Variants in NRXN3 observed in about 807,000 individuals in gnomAD.
NRXN3 encodes the protein neurexin 3.
Under a neutral mutation model 137.6 loss-of-function variants are expected in NRXN3, and 32 were observed. The ratio of observed to expected loss-of-function variants is 0.23; its 90% CI spans 0.18 to 0.31. NRXN3 has a LOEUF of 0.31. NRXN3 is among the 10% of genes least tolerant of loss of function. The pLI, the probability that NRXN3 is intolerant of heterozygous loss-of-function variation, is 1.00. For missense variants in NRXN3, 1,574 were observed against 2,062.5 expected, an observed-to-expected ratio of 0.76 and a Z score of 4.59; for synonymous variants, 798 against 784.5, an observed-to-expected ratio of 1.02 and a Z score of -0.29.
At chr14:78,974,242 A>G (rs1252741156) in intron 14 of NRXN3, among the ~76,000 whole-genome samples, 1 of 152,210 alleles carries the variant, frequency 6.6e-6, no homozygotes, top group Non-Finnish European at 1.5e-5. Flanking sequence ...AGAAGGGGGC[A>G]GGACTCAATC....
chr14:78,624,247 C>T (rs1216487682), intron 4 of NRXN3, among the ~76,000 whole-genome samples: 1 of 152,182 alleles, frequency 6.6e-6, no homozygotes, highest in Non-Finnish European at 1.5e-5. Flanking sequence ...ATGGAGCATA[C>T]CCTCCAAAAA....
At chr14:79,560,527 T>TTTTTTTTTC (rs2097484734) in intron 16 of NRXN3, among the ~76,000 whole-genome samples, 1 of 134,134 alleles carries the variant, frequency 7.5e-6, no homozygotes. Flanking sequence ...TTTTTTTTTT[T>TTTTTTTTTC]TGAGATGGAG....
intron 15 of NRXN3, among the ~76,000 whole-genome samples, chr14:79,180,107 C>T (rs1375698525): frequency 1.3e-5 from 2 of 152,170 alleles, no homozygotes; most frequent in East Asian, 1.9e-4. Flanking sequence ...TAAATTACCT[C>T]GCTGTCTCTG....
chr14:79,202,742 C>CAT (rs756204227), intron 15 of NRXN3, among the ~76,000 whole-genome samples: 5 of 151,998 alleles, frequency 3.3e-5, no homozygotes, highest in East Asian at 1.9e-4. Context: ...AGTATTCCAT[C>CAT]ATATATATAT....
chr14:79,620,490 G>A (rs992443167), intron 16 of NRXN3, among the ~76,000 whole-genome samples: 1 of 152,060 alleles, frequency 6.6e-6, no homozygotes, highest in African/African-American at 2.4e-5. Flanking sequence ...GTTCTCTGAG[G>A]TTATAAAGAC....
chr14:79,303,889 A>G (rs12884217), intron 15 of NRXN3, among the ~76,000 whole-genome samples: 49,905 of 151,884 alleles, frequency 0.33, 8,547 homozygotes, highest in Admixed American at 0.45. Context: ...TGAGATTTAT[A>G]CTCCAGTACT....
intron 15 of NRXN3, among the ~76,000 whole-genome samples, chr14:79,106,759 A>G (rs1596018495): frequency 6.6e-6 from 1 of 152,150 alleles, no homozygotes; most frequent in Non-Finnish European, 1.5e-5. Context: ...TTTTAATAAG[A>G]TGACTGAAAG....
chr14:78,522,714 C>T (rs1381147550), intron 4 of NRXN3, among the ~76,000 whole-genome samples: 2 of 152,096 alleles, frequency 1.3e-5, no homozygotes, highest in Non-Finnish European at 2.9e-5. Flanking sequence ...CTGTCCACAG[C>T]TATTTATTTT....
intron 1 of NRXN3, among the ~76,000 whole-genome samples, chr14:78,226,834 T>C (rs1209081210): frequency 1.3e-5 from 2 of 152,240 alleles, no homozygotes; most frequent in African/African-American, 2.4e-5. Flanking sequence ...TTGAGGATCA[T>C]GGAAACTGTA....
chr14:79,676,711 T>C (rs1264139951), intron 17 of NRXN3, among the ~76,000 whole-genome samples: 2 of 152,002 alleles, frequency 1.3e-5, no homozygotes, highest in Non-Finnish European at 2.9e-5. Flanking sequence ...ATACCTTATA[T>C]GTATATATAC....
At chr14:79,502,182 G>T (rs1230323906) in intron 16 of NRXN3, among the ~76,000 whole-genome samples, 1 of 152,194 alleles carries the variant, frequency 6.6e-6, no homozygotes, top group Non-Finnish European at 1.5e-5. Context: ...AGTGGGAAGA[G>T]AAATTCTTAG....
intron 15 of NRXN3, among the ~76,000 whole-genome samples, chr14:79,145,436 T>A (rs1388071462): frequency 6.6e-6 from 1 of 152,128 alleles, no homozygotes; most frequent in Non-Finnish European, 1.5e-5. Flanking sequence ...GAATAGATAG[T>A]AAAGGTGCTA....
chr14:79,425,037 T>C (rs1383340303), intron 15 of NRXN3, among the ~76,000 whole-genome samples: 2 of 152,188 alleles, frequency 1.3e-5, no homozygotes, highest in Non-Finnish European at 2.9e-5. Flanking sequence ...ATCAGAAGTC[T>C]CCCTTGAGAT....
intron 15 of NRXN3, among the ~76,000 whole-genome samples, chr14:79,442,463 G>T (rs936202990): frequency 6.6e-6 from 1 of 152,128 alleles, no homozygotes. Context: ...GTTATTTTGG[G>T]CTTCTCTTGC....
rs1253935252 is a variant in NRXN3, at chr14:78,839,698, C to G, written c.2275+29354C>G. Among the ~76,000 whole-genome samples the G allele has an allele frequency of 2.0e-5, 3 of 152,302 alleles. No individual in the cohort carries two copies. In the East Asian group the frequency reaches 5.8e-4, roughly 29 times the overall value. Reference sequence around the variant, plus strand: ...ACCCTCTCTGCCAACCTTTCTGCCTCCTGCTACACCCTGCCTAAGCCATGC... The same window carrying G: ...ACCCTCTCTGCCAACCTTTCTGCCTGCTGCTACACCCTGCCTAAGCCATGC... On this transcript the variant is annotated intron_variant, in intron 10 of 20. Coordinates refer to ENST00000335750, the MANE Select transcript of NRXN3 (RefSeq NM_001330195.2).
At chr14:79,612,386 A>G (rs1281035376) in intron 16 of NRXN3, among the ~76,000 whole-genome samples, 1 of 152,190 alleles carries the variant, frequency 6.6e-6, no homozygotes, top group Non-Finnish European at 1.5e-5. Flanking sequence ...CTCCAGGGAC[A>G]TCTCCTTCCT....
rs1329481864 is a variant in NRXN3, at chr14:78,330,152, A to G, written c.757+32292A>G. Among the ~76,000 whole-genome samples, 4 of 152,306 alleles carry G rather than the reference A, an allele frequency of 2.6e-5. No homozygotes were observed. In the East Asian group the frequency reaches 5.8e-4, roughly 22 times the overall value. ...GAATATTTTAAAATCTTAGGAATTT[A>G]AAGAAGCTTAGAGATAATTAATCCA... On this transcript the variant is annotated intron_variant, in intron 4 of 20. Transcript: ENST00000335750.
At chr14:78,548,112 A>G (rs1427530018) in intron 4 of NRXN3, among the ~76,000 whole-genome samples, 2 of 152,262 alleles carry the variant, frequency 1.3e-5, no homozygotes, top group Non-Finnish European at 2.9e-5. Flanking sequence ...CTCCAAGGCC[A>G]TAAAACAGAA....
intron 4 of NRXN3, among the ~76,000 whole-genome samples, chr14:78,331,504 G>A (rs559918772): frequency 1.3e-5 from 2 of 152,168 alleles, no homozygotes; most frequent in African/African-American, 2.4e-5. Flanking sequence ...GAACGTGGCC[G>A]CATGAGGTAG....
Sources: allele counts gnomAD v4.1 joint callset (sites outside exome capture counted in the v4.1 genomes callset), GRCh38; gene constraint gnomAD v4.1.1; transcripts MANE v1.5; gene names NCBI Gene and HGNC (gene_info 2026-07-23, HGNC 2026-07-21).